Variants in SH2D4B observed in about 807,000 individuals in gnomAD.
SH2D4B encodes SH2 domain containing 4B.
A neutral mutation model predicts 61.5 loss-of-function variants in SH2D4B; 45 were observed. That is an observed-to-expected ratio of 0.73 (90% confidence interval 0.58 to 0.94). The LOEUF is 0.94. SH2D4B is among the 40% of genes least tolerant of loss of function. The pLI is 0.00. For missense variants in SH2D4B, 572 were observed against 574.2 expected (o/e 1.00, Z 0.04); for synonymous variants, 224 against 220.4 (o/e 1.02, Z -0.14).
At chr10:80,619,359 A>C (rs1278060227) in intron 6 of SH2D4B, among the ~76,000 whole-genome samples, 1 of 152,190 alleles carries the variant, frequency 6.6e-6, no homozygotes, top group Non-Finnish European at 1.5e-5. Context: ...GCTACCCTGA[A>C]GGATCTCTGT....
chr10:80,603,649 C>A lies in SH2D4B; in HGVS notation c.714C>A (p.His238Gln), dbSNP rs1913762. Residue 238 changes from histidine (H) to glutamine (Q), a missense_variant, in exon 5 of 8, where the codon CAC becomes CAA. Transcript: ENST00000646907. ...AGCGCGCCCGGGACGAGTACCGACA[C>A]CACTCGCTCCGTGCTATCCAGAAGG... ...RAQRARDEYR[H>Q]HSLRAIQKGT... is the part of the protein sequence containing the mutation. 1 of 1,604,402 alleles carries A rather than the reference C, an allele frequency of 6.2e-7. No homozygotes were observed. Among genetic ancestry groups the A allele is most frequent in the East Asian group, 2.3e-5 (1 of 44,436 alleles).
intron 1 of SH2D4B, among the ~76,000 whole-genome samples, chr10:80,559,215 T>A (rs1487029502): frequency 6.6e-6 from 1 of 152,210 alleles, no homozygotes; most frequent in Non-Finnish European, 1.5e-5. Flanking sequence ...TACTCTCTTT[T>A]ATCTTATTTT....
In SH2D4B at chr10:80,608,208, G is replaced by A. The variant is rs1213571142; in HGVS notation, c.861-1216G>A. Among the ~76,000 whole-genome samples, 6 of 152,242 alleles carry A rather than the reference G, an allele frequency of 3.9e-5. No homozygotes were observed. The East Asian group carries it at 1.2e-3, about 29-fold the overall frequency. ...AGATTTCCTGCCCAGAAAATAGAAA[G>A]TATGACAGAGGAAATGGAGGTGGAA... is the stretch of plus-strand genomic sequence containing the variant. On this transcript the variant is annotated intron_variant, in intron 5 of 7. Coordinates refer to ENST00000646907, the MANE Select transcript of SH2D4B (RefSeq NM_001388272.1).
intron 6 of SH2D4B, among the ~76,000 whole-genome samples, chr10:80,616,963 T>C (rs1455701821): frequency 6.6e-6 from 1 of 152,250 alleles, no homozygotes. Context: ...CACCATGCAC[T>C]TGCTGCTAGC....
chr10:80,644,055 C>T lies in SH2D4B; in HGVS notation c.1272C>T (p.Ser424=). 6.2e-7 allele frequency: 1 copy of T among 1,613,848 alleles called. No individual in the cohort carries two copies. Among genetic ancestry groups the T allele is most frequent in the Non-Finnish European group, 8.5e-7 (1 of 1,179,856 alleles). ...AGGAACCCTGCGGACAGAGGGACAG[C>T]CCACCAGACTACCATCTGTTGTTTG... ...LLQEPCGQRD[S]PPDYHLLFE The change falls in exon 8 of 8, where the codon AGC becomes AGT. Residue 424 remains serine, a synonymous_variant. Coordinates refer to ENST00000646907, the MANE Select transcript of SH2D4B (RefSeq NM_001388272.1).
intron 4 of SH2D4B, among the ~76,000 whole-genome samples, chr10:80,590,747 A>G (rs576039052): frequency 6.6e-6 from 1 of 152,206 alleles, no homozygotes; most frequent in East Asian, 2.0e-4. Flanking sequence ...CATAAAATTT[A>G]GCCTTTTAAA....
intron 5 of SH2D4B, among the ~76,000 whole-genome samples, 192 bp downstream of exon 5, chr10:80,603,987 C>G (rs901878365): frequency 6.6e-6 from 1 of 152,234 alleles, no homozygotes; most frequent in Non-Finnish European, 1.5e-5. Flanking sequence ...TTTGTAATAA[C>G]TTTGGAGTTC....
intron 7 of SH2D4B, 143 bp downstream of exon 7, chr10:80,634,648 G>A: frequency 7.7e-7 from 1 of 1,298,498 alleles, no homozygotes; most frequent in South Asian, 1.5e-5. Flanking sequence ...CATCAGGGCA[G>A]AAGAGACCAG....
At chr10:80,641,849 C>T (rs751615803) in intron 7 of SH2D4B, among the ~76,000 whole-genome samples, 17 of 152,142 alleles carry the variant, frequency 1.1e-4, no homozygotes, top group Non-Finnish European at 2.2e-4. Flanking sequence ...TCATTTATGC[C>T]AATGTGGAGA....
Position 80,622,673 on chromosome 10 carries a change from C to T in SH2D4B, c.989-11612C>T, listed in dbSNP as rs973644621. Among the ~76,000 whole-genome samples the T allele has an allele frequency of 2.6e-5, 4 of 152,166 alleles. No individual in the cohort carries two copies. In the East Asian group the frequency reaches 7.7e-4, roughly 29 times the overall value. On this transcript the variant is annotated intron_variant, in intron 6 of 7. Coordinates refer to ENST00000646907, the MANE Select transcript of SH2D4B (RefSeq NM_001388272.1). ...TGCACTCACCCAGGGTTGGGGAGGG[C>T]AGAACTCTCCCTATTTTCAGCTGCC...
At position 80,612,486 on chromosome 10, in the gene SH2D4B, A is replaced by T. The variant is rs112379946; in HGVS notation, c.988+2935A>T. On this transcript the variant is annotated intron_variant, in intron 6 of 7. Transcript: ENST00000646907. ...GGGCCAGCTCAGGCATGCTCTTCTCATGGTGACAGGACAGACATCAGAGAG... is the reference window on the plus strand; with the variant it reads ...GGGCCAGCTCAGGCATGCTCTTCTCTTGGTGACAGGACAGACATCAGAGAG... 5.7e-3 allele frequency among the ~76,000 whole-genome samples: 870 copies of T among 152,212 alleles called. 4 individuals carry two copies. The highest frequency in any genetic ancestry group is 0.014 in the Middle Eastern group (4 of 294).
intron 4 of SH2D4B, among the ~76,000 whole-genome samples, chr10:80,596,811 G>T (rs892648828): frequency 6.6e-6 from 1 of 152,120 alleles, no homozygotes; most frequent in Non-Finnish European, 1.5e-5. Flanking sequence ...GATCTTACTC[G>T]CAGAACGTTT....
At chr10:80,557,173 C>G (rs1434305658) in intron 1 of SH2D4B, among the ~76,000 whole-genome samples, 1 of 152,030 alleles carries the variant, frequency 6.6e-6, no homozygotes, top group Non-Finnish European at 1.5e-5. Context: ...TTTTAGTCTG[C>G]TGATAGGACT....
At chr10:80,543,154 TC>T (rs1304002049) in intron 1 of SH2D4B, among the ~76,000 whole-genome samples, 5 of 152,122 alleles carry the variant, frequency 3.3e-5, no homozygotes, top group African/African-American at 1.2e-4. Context: ...CTGGGCTCCC[TC>T]CCACTTTGGC....
intron 1 of SH2D4B, among the ~76,000 whole-genome samples, chr10:80,551,265 A>G (rs1841758609): frequency 6.6e-6 from 1 of 152,144 alleles, no homozygotes; most frequent in African/African-American, 2.4e-5. Context: ...CATGTTAGCC[A>G]GGATGGTCTC....
chr10:80,561,095 G>C (rs900034801), intron 1 of SH2D4B, among the ~76,000 whole-genome samples: 11 of 152,310 alleles, frequency 7.2e-5, no homozygotes, highest in African/African-American at 2.4e-4. Context: ...ATGTGTGATT[G>C]TTCAAATTAT....
chr10:80,634,601 C>G, intron 7 of SH2D4B, 96 bp downstream of exon 7: 2 of 1,491,464 alleles, frequency 1.3e-6, no homozygotes, highest in South Asian at 2.7e-5. Context: ...GCTGCTGGCT[C>G]TGGGCAGTGG....
At chr10:80,627,895 CA>C (rs1179351631) in intron 6 of SH2D4B, among the ~76,000 whole-genome samples, 2 of 152,156 alleles carry the variant, frequency 1.3e-5, no homozygotes, top group Non-Finnish European at 2.9e-5. Context: ...GGCTCAGAAT[CA>C]ATCTTCAGTT....
At chr10:80,570,420 A>T in intron 2 of SH2D4B, 104 bp downstream of exon 2, 1 of 1,384,014 alleles carries the variant, frequency 7.2e-7, no homozygotes, top group Non-Finnish European at 9.7e-7. Context: ...GAGTTCCATC[A>T]TGTTGGCCGG....
Sources: gnomAD v4.1 joint callset for allele counts (sites outside exome capture counted in the v4.1 genomes callset) on GRCh38, gnomAD v4.1.1 for gene constraint, MANE v1.5 for transcripts, NCBI Gene and HGNC (gene_info 2026-07-23, HGNC 2026-07-21) for gene names.